RFTN1: variants seen among roughly 807,000 people sequenced by gnomAD.
RFTN1 encodes the protein raftlin, lipid raft linker 1.
RFTN1 carries 26 observed loss-of-function variants against 46.5 expected under a neutral mutation model. The observed-to-expected ratio is 0.56, with a 90% CI of 0.41 to 0.78. The LOEUF is 0.78. Ranked by LOEUF, RFTN1 falls within the 30% of genes least tolerant of loss-of-function variation. The pLI is 0.00. For missense variants in RFTN1, 693 were observed against 718.7 expected, an observed-to-expected ratio of 0.96 and a Z score of 0.41; for synonymous variants, 261 against 284.2, an observed-to-expected ratio of 0.92 and a Z score of 0.82.
Position 16,329,362 on chromosome 3 carries a change from G to A in RFTN1, c.1147-2486C>T, listed in dbSNP as rs940403774. On this transcript the variant is annotated intron_variant, in intron 7 of 9. Coordinates refer to ENST00000334133, the MANE Select transcript of RFTN1 (RefSeq NM_015150.2). The surrounding 1 kb of genome is among the most constrained non-coding windows in gnomAD (Gnocchi z 4.5). ...AGTGGAGAAAGGGAAAGGGAAAGAG[G>A]AAACTTAATAAAGGAAGGCGGAAGG... Among the ~76,000 whole-genome samples the A allele has an allele frequency of 6.6e-6, 1 of 152,084 alleles. No individual in the cohort carries two copies. Among genetic ancestry groups the A allele is most frequent in the Non-Finnish European group, 1.5e-5 (1 of 68,006 alleles).
chr3:16,422,073 A>G lies in RFTN1; in HGVS notation c.332+11778T>C, dbSNP rs375449805. 6.6e-6 allele frequency among the ~76,000 whole-genome samples: 1 copy of G among 152,180 alleles called. No homozygotes were observed. Among genetic ancestry groups the G allele is most frequent in the East Asian group, 1.9e-4 (1 of 5,204 alleles). The stretch of plus-strand genomic sequence containing the variant: ...AAATAGACACCTCAGTTCTCCTTCA[A>G]CATTAAATATGTCTACCCCACTTTG... On this transcript the variant is annotated intron_variant, in intron 3 of 9. Transcript: ENST00000334133. The surrounding 1 kb of genome is among the most constrained non-coding windows in gnomAD (Gnocchi z 4.6).
At chr3:16,326,244 G>A (rs1488792106) in intron 8 of RFTN1, among the ~76,000 whole-genome samples, 5 of 152,248 alleles carry the variant, frequency 3.3e-5, no homozygotes, top group African/African-American at 9.6e-5. Context: ...AAGGAATGCC[G>A]CACCAAGGCC....
At chr3:16,328,499 C>T (rs1231748721) in intron 7 of RFTN1, among the ~76,000 whole-genome samples, 1 of 152,232 alleles carries the variant, frequency 6.6e-6, no homozygotes, top group African/African-American at 2.4e-5. Context: ...TAACTGGACA[C>T]CAGTTCCAGA....
At chr3:16,333,144 T>G (rs1475100371) in intron 7 of RFTN1, among the ~76,000 whole-genome samples, 3 of 152,220 alleles carry the variant, frequency 2.0e-5, no homozygotes, top group African/African-American at 4.8e-5. Context: ...TTAGGAACAC[T>G]AGGCAACAGT....
In RFTN1 at chr3:16,498,585, G is replaced by A. The variant is rs533469848; in HGVS notation, c.-8-4708C>T. On this transcript the variant is annotated intron_variant, in intron 1 of 9. Coordinates refer to ENST00000334133, the MANE Select transcript of RFTN1 (RefSeq NM_015150.2). This position sits in a 1 kb window ranked among gnomAD's most constrained non-coding sequence, Gnocchi z 5.2. ...TTAGAGACTGATTTCTCTGGAGTGC[G>A]TGCAACCCTGGCTAAGCAACTGTTT... Among the ~76,000 whole-genome samples the A allele has an allele frequency of 2.0e-5, 3 of 152,276 alleles. No individual in the cohort carries two copies. In the South Asian group the frequency reaches 6.2e-4, roughly 32 times the overall value.
rs535178714 is a variant in RFTN1 at position 16,450,392 on chromosome 3, G to A, written c.146-16355C>T. Among the ~76,000 whole-genome samples, 53 of 152,300 alleles carry A rather than the reference G, an allele frequency of 3.5e-4. 1 individual carries two copies. Among genetic ancestry groups the A allele is most frequent in the African/African-American group, 9.1e-4 (38 of 41,572 alleles). Reference sequence around the variant, plus strand: ...AGATAGTGTCTGGCCACATCCAGGTGCACAGAGGTGGTGGCCTCAGAGAAG... The same window carrying A: ...AGATAGTGTCTGGCCACATCCAGGTACACAGAGGTGGTGGCCTCAGAGAAG... On this transcript the variant is annotated intron_variant, in intron 2 of 9. Transcript: ENST00000334133. The surrounding 1 kb of genome is among the most constrained non-coding windows in gnomAD (Gnocchi z 4.6).
Position 16,329,705 on chromosome 3 carries a change from C to G in RFTN1, c.1147-2829G>C, listed in dbSNP as rs1237875426. On this transcript the variant is annotated intron_variant, in intron 7 of 9. Coordinates refer to ENST00000334133, the MANE Select transcript of RFTN1 (RefSeq NM_015150.2). This position sits in a 1 kb window ranked among gnomAD's most constrained non-coding sequence, Gnocchi z 4.5. ...AGAGGAGGAAAACCAATTTTAAATC[C>G]ACACTCTCAAGCTTTGCGAGGTTAT... 6.6e-6 allele frequency among the ~76,000 whole-genome samples: 1 copy of G among 152,098 alleles called. No homozygotes were observed. Among genetic ancestry groups the G allele is most frequent in the Non-Finnish European group, 1.5e-5 (1 of 68,008 alleles).
intron 4 of RFTN1, among the ~76,000 whole-genome samples, chr3:16,395,677 G>A (rs2074452386): frequency 6.6e-6 from 1 of 152,184 alleles, no homozygotes; most frequent in African/African-American, 2.4e-5. Flanking sequence ...TCAAACTCCT[G>A]GCCTTAAGCA....
rs2075760589 is a variant in RFTN1, at chr3:16,447,922, A to C, written c.146-13885T>G. ...TCTGATAGGCATTTGTGTGCTTATA[A>C]GGAATCTTTAGATTTTCTCTAATGT... is the stretch of plus-strand genomic sequence containing the variant. On this transcript the variant is annotated intron_variant, in intron 2 of 9. Transcript: ENST00000334133. The surrounding 1 kb of genome is among the most constrained non-coding windows in gnomAD (Gnocchi z 5.9). Among the ~76,000 whole-genome samples, 1 of 152,288 alleles carries C rather than the reference A, an allele frequency of 6.6e-6. No individual in the cohort carries two copies. Among genetic ancestry groups the C allele is most frequent in the African/African-American group, 2.4e-5 (1 of 41,574 alleles).
rs2070906737 is a variant in RFTN1, at chr3:16,336,904, T to C, written c.1147-10028A>G. Among the ~76,000 whole-genome samples the C allele has an allele frequency of 6.6e-6, 1 of 152,210 alleles. No individual in the cohort carries two copies. The highest frequency in any genetic ancestry group is 1.5e-5 in the Non-Finnish European group (1 of 68,038). On this transcript the variant is annotated intron_variant, in intron 7 of 9. Transcript: ENST00000334133. The surrounding 1 kb of genome is among the most constrained non-coding windows in gnomAD (Gnocchi z 6.0). ...ACATGAAACATATTGTTTGGAAGAA[T>C]GGTGTCTATTATGACTTCCCTGTGT...
Position 16,322,007 on chromosome 3 carries a change from C to G in RFTN1, c.1332+1369G>C, listed in dbSNP as rs1390447803. Among the ~76,000 whole-genome samples, 3 of 152,366 alleles carry G rather than the reference C, an allele frequency of 2.0e-5. No homozygotes were observed. The East Asian group carries it at 5.8e-4, about 29-fold the overall frequency. On this transcript the variant is annotated intron_variant, in intron 9 of 9. Coordinates refer to ENST00000334133, the MANE Select transcript of RFTN1 (RefSeq NM_015150.2). This position sits in a 1 kb window ranked among gnomAD's most constrained non-coding sequence, Gnocchi z 6.2. ...TAGGCAAAGGTGGCACCATCTCCCT[C>G]TGTAAGGCTGCAGCGGGTGTCTGTC...
chr3:16,354,036 G>C (rs1288640285), intron 7 of RFTN1, among the ~76,000 whole-genome samples: 4 of 152,202 alleles, frequency 2.6e-5, no homozygotes, highest in Non-Finnish European at 5.9e-5. Context: ...TCTGATACAA[G>C]CTCAATTTTG....
At chr3:16,332,704 G>T (rs1328429064) in intron 7 of RFTN1, among the ~76,000 whole-genome samples, 3 of 152,272 alleles carry the variant, frequency 2.0e-5, no homozygotes, top group African/African-American at 7.2e-5. Context: ...TCTCGTCCAG[G>T]TTGTAGCTTC....
rs17042155 is a variant in RFTN1, at chr3:16,329,722, C to T, written c.1147-2846G>A. On this transcript the variant is annotated intron_variant, in intron 7 of 9. Coordinates refer to ENST00000334133, the MANE Select transcript of RFTN1 (RefSeq NM_015150.2). The surrounding 1 kb of genome is among the most constrained non-coding windows in gnomAD (Gnocchi z 4.5). Reference sequence around the variant, plus strand: ...TTTAAATCCACACTCTCAAGCTTTGCGAGGTTATGATTACTTGGGCCTATC... The same window carrying T: ...TTTAAATCCACACTCTCAAGCTTTGTGAGGTTATGATTACTTGGGCCTATC... Among the ~76,000 whole-genome samples, 5,596 of 152,136 alleles carry T rather than the reference C, an allele frequency of 0.037. 321 individuals carry two copies. The highest frequency in any genetic ancestry group is 0.13 in the African/African-American group (5,276 of 41,480).
At chr3:16,439,252 C>G (rs1203038231) in intron 2 of RFTN1, among the ~76,000 whole-genome samples, 4 of 152,114 alleles carry the variant, frequency 2.6e-5, no homozygotes, top group Non-Finnish European at 4.4e-5. Flanking sequence ...ATGAAGTGAC[C>G]AATTCCCCAG....
In RFTN1 at chr3:16,372,963, G is replaced by A. The variant is rs1273767614; in HGVS notation, c.827-2684C>T. 1.3e-5 allele frequency among the ~76,000 whole-genome samples: 2 copies of A among 152,266 alleles called. 1 individual carries two copies. The highest frequency in any genetic ancestry group is 4.8e-5 in the African/African-American group (2 of 41,530). On this transcript the variant is annotated intron_variant, in intron 5 of 9. Coordinates refer to ENST00000334133, the MANE Select transcript of RFTN1 (RefSeq NM_015150.2). Reference sequence around the variant, plus strand: ...CGCTCCTCTGCCCCATCATCTCCTTGTCTCCAGTCCTTTCTCTACCCACAT... The same window carrying A: ...CGCTCCTCTGCCCCATCATCTCCTTATCTCCAGTCCTTTCTCTACCCACAT...
Position 16,341,502 on chromosome 3 carries a change from C to A in RFTN1, c.1147-14626G>T, listed in dbSNP as rs535070180. Among the ~76,000 whole-genome samples, 2 of 152,124 alleles carry A rather than the reference C, an allele frequency of 1.3e-5. No individual in the cohort carries two copies. Among genetic ancestry groups the A allele is most frequent in the African/African-American group, 4.8e-5 (2 of 41,422 alleles). On this transcript the variant is annotated intron_variant, in intron 7 of 9. Transcript: ENST00000334133. This position sits in a 1 kb window ranked among gnomAD's most constrained non-coding sequence, Gnocchi z 4.7. ...AATGAGCTCTCAAGAGATGGAGGAG[C>A]CTTAAATCCATATTACTAAGTGAAA...
intron 9 of RFTN1, among the ~76,000 whole-genome samples, chr3:16,319,920 G>A: frequency 6.6e-6 from 1 of 152,184 alleles, no homozygotes; most frequent in Middle Eastern, 3.2e-3. Context: ...GACCGGGGGA[G>A]TCTCTGAGCT....
rs1437571451 is a variant in RFTN1, at chr3:16,446,177, C to T, written c.146-12140G>A. Among the ~76,000 whole-genome samples the T allele has an allele frequency of 1.3e-5, 2 of 151,964 alleles. No individual in the cohort carries two copies. Among genetic ancestry groups the T allele is most frequent in the Non-Finnish European group, 2.9e-5 (2 of 68,024 alleles). On this transcript the variant is annotated intron_variant, in intron 2 of 9. Coordinates refer to ENST00000334133, the MANE Select transcript of RFTN1 (RefSeq NM_015150.2). This position sits in a 1 kb window ranked among gnomAD's most constrained non-coding sequence, Gnocchi z 4.5. The stretch of plus-strand genomic sequence containing the variant: ...TCTGGTGGATGGTGAACTCTGGGGT[C>T]CCCATATTCCCTGGGCCCTAAAGCA...
Sources: allele counts gnomAD v4.1 joint callset (sites outside exome capture counted in the v4.1 genomes callset), GRCh38; gene constraint gnomAD v4.1.1; non-coding constraint Gnocchi (gnomAD v3.1); transcripts MANE v1.5; gene names NCBI Gene and HGNC (gene_info 2026-07-23, HGNC 2026-07-21).